Variants in SEMA6A observed in about 807,000 individuals in gnomAD.
The protein encoded by SEMA6A is semaphorin 6A, also known as semaphorin-6A.
In SEMA6A, 25 loss-of-function variants were observed where a neutral mutation model predicts 96.8. That is an observed-to-expected ratio of 0.26 (90% CI 0.19 to 0.36). The LOEUF is 0.36. SEMA6A is among the 10% of genes least tolerant of loss of function. The pLI is 1.00. For synonymous variants in SEMA6A, 612 were observed against 518.0 expected (o/e 1.18, Z -2.46); for missense variants, 1,363 against 1,323.1 (o/e 1.03, Z -0.47).
Position 116,446,603 on chromosome 5 carries a change from C to A in SEMA6A, c.*10G>T. On this transcript the variant is annotated 3_prime_UTR_variant, in exon 19 of 19. Transcript: ENST00000343348. ...CTGCTGGTTCGACACCTGACCCCCT[C>A]CCCCTGGGATTATGTACACGCATCA... 1.4e-6 allele frequency: 2 copies of A among 1,468,614 alleles called. No homozygotes were observed. The highest frequency in any genetic ancestry group is 2.4e-5 in the East Asian group (1 of 41,448). 91.0% of individuals were successfully genotyped at this position (1,468,614 alleles called of 1,614,324 possible).
chr5:116,568,592 G>C (rs1029615400), intron 1 of SEMA6A, among the ~76,000 whole-genome samples: 6 of 152,184 alleles, frequency 3.9e-5, no homozygotes, highest in African/African-American at 1.4e-4. Flanking sequence ...CCCCACAAAT[G>C]CTGGCTGTCT....
intron 2 of SEMA6A, chr5:116,502,549 C>A (rs1420354972): frequency 2.0e-5 from 10 of 489,054 alleles, no homozygotes; most frequent in Non-Finnish European, 3.6e-5. Flanking sequence ...AATTATAAGC[C>A]TGGATTTATA....
chr5:116,559,538 C>T (rs948739834), intron 1 of SEMA6A, among the ~76,000 whole-genome samples: 2 of 152,112 alleles, frequency 1.3e-5, no homozygotes, highest in Non-Finnish European at 2.9e-5. Context: ...TACAACAGCG[C>T]GTTACTCCAC....
chr5:116,521,048 T>C (rs891680997), intron 1 of SEMA6A, among the ~76,000 whole-genome samples: 4 of 152,182 alleles, frequency 2.6e-5, no homozygotes, highest in Admixed American at 2.6e-4. Context: ...TTTGACCAGA[T>C]TGTATAGGAT....
In SEMA6A at chr5:116,497,329, T is replaced by G. The variant is rs1350744819; in HGVS notation, c.277A>C (p.Lys93Gln). ...TSHTEEIYCS[K>Q]KLTWKSRQAD... The stretch of plus-strand genomic sequence containing the variant: ...AATATAGTTTTAAAACAACTTACTT[T>G]GCTACAATAAATTTCTTCCGTGTGT... Residue 93 changes from lysine to glutamine, a missense_variant and splice_region_variant, in exon 4 of 19, where the codon AAA becomes CAA. Around this residue, in one of 2 missense-constraint regions of SEMA6A, gnomAD observed 480 missense variants for 559.5 expected, o/e 0.86. Coordinates refer to ENST00000343348, the MANE Select transcript of SEMA6A (RefSeq NM_020796.5). 1.9e-6 allele frequency: 3 copies of G among 1,582,700 alleles called. No individual in the cohort carries two copies. In the South Asian group the frequency reaches 3.3e-5, roughly 18 times the overall value.
chr5:116,518,561 G>T (rs916205768), intron 1 of SEMA6A, among the ~76,000 whole-genome samples: 1 of 152,146 alleles, frequency 6.6e-6, no homozygotes, highest in Admixed American at 6.5e-5. Context: ...AAGTGCTGAG[G>T]GTCAGACAAA....
At chr5:116,562,683 T>C (rs1760868040) in intron 1 of SEMA6A, 3 of 717,776 alleles carry the variant, frequency 4.2e-6, no homozygotes, top group Non-Finnish European at 7.9e-6. Context: ...GACACTTTTG[T>C]CCATGTCACT....
chr5:116,492,208 A>C, intron 6 of SEMA6A: 1 of 220,858 alleles, frequency 4.5e-6, no homozygotes, highest in Non-Finnish European at 9.0e-6. Context: ...ATGCAACGGA[A>C]ATGCCCTTAT....
At chr5:116,482,150 T>C (rs543206474) in intron 11 of SEMA6A, among the ~76,000 whole-genome samples, 1 of 152,170 alleles carries the variant, frequency 6.6e-6, no homozygotes, top group African/African-American at 2.4e-5. Context: ...ACAATACCCT[T>C]TACCTCTCCA....
chr5:116,480,026 A>T, intron 12 of SEMA6A, 96 bp downstream of exon 12: 4 of 1,401,722 alleles, frequency 2.9e-6, no homozygotes, highest in African/African-American at 1.4e-5. Context: ...ATAGCAGAAG[A>T]TGTTTGTGGC....
chr5:116,454,811 CATGTGTGTGTGCGCGTGTGTGTGT>C (rs1481228052), intron 18 of SEMA6A, among the ~76,000 whole-genome samples: 1 of 134,960 alleles, frequency 7.4e-6, no homozygotes, highest in Non-Finnish European at 1.7e-5. Context: ...TGTGTGTGTG[CATGTGTGTGTGCGCGTGTGTGTGT>C]ATGTATGTGT....
rs76835475 is a variant in SEMA6A at position 116,511,316 on chromosome 5, T to G, written c.-38-6334A>C. 4.0e-3 allele frequency among the ~76,000 whole-genome samples: 615 copies of G among 152,248 alleles called. 3 individuals are homozygous for G. Among genetic ancestry groups the G allele is most frequent in the African/African-American group, 0.014 (586 of 41,536 alleles). Reference sequence around the variant, plus strand: ...GAAAAAGAAGTCTGTAGATGTCCAGTACAGATGCAATTTTTTAAAAAAAAA... The same window carrying G: ...GAAAAAGAAGTCTGTAGATGTCCAGGACAGATGCAATTTTTTAAAAAAAAA... On this transcript the variant is annotated intron_variant, in intron 1 of 18. Transcript: ENST00000343348.
At chr5:116,517,293 C>CAA (rs11400626) in intron 1 of SEMA6A, among the ~76,000 whole-genome samples, 123 of 139,792 alleles carry the variant, frequency 8.8e-4, no homozygotes, top group Non-Finnish European at 1.4e-3. Context: ...TAAAAAATTT[C>CAA]AAAAAAAAAA....
intron 1 of SEMA6A, among the ~76,000 whole-genome samples, chr5:116,523,416 C>T (rs545189243): frequency 1.7e-4 from 26 of 152,214 alleles, no homozygotes; most frequent in African/African-American, 4.8e-4. Context: ...CGGGTTCAAG[C>T]GATTCTCCTG....
At chr5:116,471,641 T>C (rs55642036) in intron 17 of SEMA6A, 1 of 152,196 alleles carries the variant, frequency 6.6e-6, no homozygotes, top group Non-Finnish European at 1.5e-5. Flanking sequence ...ACATTAAAGT[T>C]GGATGAATTC....
rs138144913 is a variant in SEMA6A at position 116,548,023 on chromosome 5, A to AT, written c.-39+26161dup. 6.9e-3 allele frequency among the ~76,000 whole-genome samples: 1,044 copies of AT among 152,266 alleles called. 8 individuals carry two copies. Among genetic ancestry groups the AT allele is most frequent in the Non-Finnish European group, 9.8e-3 (666 of 68,016 alleles). On this transcript the variant is annotated intron_variant, in intron 1 of 18. Coordinates refer to ENST00000343348, the MANE Select transcript of SEMA6A (RefSeq NM_020796.5). ...GGTTATTTTGAAGACCACCTATCCTATCACTTACATTTACATCTGCAAACA... is the reference window on the plus strand; with the variant it reads ...GGTTATTTTGAAGACCACCTATCCTATTCACTTACATTTACATCTGCAAACA...
intron 6 of SEMA6A, among the ~76,000 whole-genome samples, chr5:116,492,973 A>T (rs1757403139): frequency 6.6e-6 from 1 of 152,140 alleles, no homozygotes; most frequent in South Asian, 2.1e-4. Flanking sequence ...CTAAAAATAC[A>T]CTTTTCTGAG....
At position 116,547,734 on chromosome 5, in the gene SEMA6A, T is replaced by TAAAAAAAA. The variant is rs34908253; in HGVS notation, c.-39+26443_-39+26450dup. ...TGTAAACTGCTATGTATCTGATACT[T>TAAAAAAAA]AAAAAAAAAAAAAAAAAAAAAAAAA... is the stretch of plus-strand genomic sequence containing the variant. On this transcript the variant is annotated intron_variant, in intron 1 of 18. Transcript: ENST00000343348. Among the ~76,000 whole-genome samples, 26 of 65,566 alleles carry TAAAAAAAA rather than the reference T, an allele frequency of 4.0e-4. 2 individuals carry two copies. Among genetic ancestry groups the TAAAAAAAA allele is most frequent in the South Asian group, 2.2e-3 (3 of 1,338 alleles). The allele number at this position is 65,566 out of a possible 152,430, so 43.0% of individuals were successfully genotyped here.
chr5:116,495,875 C>A, intron 5 of SEMA6A: 1 of 334,170 alleles, frequency 3.0e-6, no homozygotes, highest in Non-Finnish European at 5.5e-6. Flanking sequence ...TGTTATATGA[C>A]CACAGGCACA....
Sources: allele counts gnomAD v4.1 joint callset (sites outside exome capture counted in the v4.1 genomes callset), GRCh38; gene constraint gnomAD v4.1.1; regional missense constraint gnomAD v4.1.1; transcripts MANE v1.5; gene names NCBI Gene and HGNC (gene_info 2026-07-23, HGNC 2026-07-21).